FBXO47: variants seen among roughly 807,000 people sequenced by gnomAD.
The protein encoded by FBXO47 is F-box only protein 47.
In FBXO47, 34 loss-of-function variants were observed where a neutral mutation model predicts 53.9. The observed-to-expected ratio is 0.63, with a 90% CI of 0.48 to 0.84. FBXO47 has a LOEUF of 0.84. Ranked by LOEUF, FBXO47 falls within the 40% of genes least tolerant of loss-of-function variation. FBXO47 has a pLI of 0.00. For missense variants in FBXO47, 485 were observed against 541.3 expected (o/e 0.90, Z 1.03); for synonymous variants, 165 against 181.6 (o/e 0.91, Z 0.73).
chr17:38,962,934 A>C lies in FBXO47; in HGVS notation c.92T>G (p.Leu31Arg). ...NRQTSCYSKT[L>R]GSGFQPISTF... ...TGATATGGGTTGAAAGCCTGAGCCAAGGGTCTTGGAATAACAGCTGGTTTG... is the reference window on the plus strand; with the variant it reads ...TGATATGGGTTGAAAGCCTGAGCCACGGGTCTTGGAATAACAGCTGGTTTG... Residue 31 changes from leucine (L) to arginine (R), a missense_variant, in exon 2 of 11, where the codon CTT (leucine) becomes CGT (arginine). Transcript: ENST00000378079. 1 of 1,613,664 alleles carries C rather than the reference A, an allele frequency of 6.2e-7. No homozygotes were observed. The highest frequency in any genetic ancestry group is 1.1e-5 in the South Asian group (1 of 91,074).
Position 38,942,899 on chromosome 17 carries a change from A to C in FBXO47, c.962T>G (p.Leu321Arg). 1.2e-6 allele frequency: 2 copies of C among 1,608,282 alleles called. No individual in the cohort carries two copies. The highest frequency in any genetic ancestry group is 1.7e-6 in the Non-Finnish European group (2 of 1,178,458). ...CATTAGGAGACGTGCATTATTCTCT[A>C]GAAGCCACTCACGGGGAACCACTTT... Reference protein sequence around the residue: ...ELSVVPREWLLENNARLLMLS... With the variant: ...ELSVVPREWLRENNARLLMLS... Residue 321 changes from leucine (L) to arginine (R), a missense_variant, in exon 9 of 11, where the codon CTA becomes CGA. By Grantham distance (102) the Leu-to-Arg change is moderately radical (BLOSUM62 -2). Transcript: ENST00000378079.
At chr17:38,947,953 T>C (rs979011444) in intron 6 of FBXO47, among the ~76,000 whole-genome samples, 2 of 151,996 alleles carry the variant, frequency 1.3e-5, no homozygotes, top group Non-Finnish European at 2.9e-5. Context: ...ATAGGACTAC[T>C]TTTTCAAAAG....
chr17:38,939,956 C>T (rs550464724), intron 9 of FBXO47, among the ~76,000 whole-genome samples: 47 of 151,974 alleles, frequency 3.1e-4, no homozygotes, highest in Non-Finnish European at 5.4e-4. Flanking sequence ...CGTGAGCCAC[C>T]GCGCCCGGCC....
intron 6 of FBXO47, among the ~76,000 whole-genome samples, chr17:38,949,899 T>C (rs1033378027): frequency 4.6e-5 from 7 of 152,142 alleles, no homozygotes; most frequent in Admixed American, 3.3e-4. Context: ...GCCCAGTCTA[T>C]CACTGTTTTC....
chr17:38,947,023 CAT>C (rs1407396064), intron 6 of FBXO47, among the ~76,000 whole-genome samples: 62 of 128,932 alleles, frequency 4.8e-4, no homozygotes, highest in African/African-American at 1.4e-3. Context: ...TATATATAAA[CAT>C]ATACAAATAT....
At chr17:38,954,815 C>A in intron 5 of FBXO47, 41 bp downstream of exon 5, 1 of 1,193,352 alleles carries the variant, frequency 8.4e-7, no homozygotes, top group South Asian at 1.3e-5. Context: ...GTTATCAGTT[C>A]CAAAGGTATC....
chr17:38,950,384 GTTTTGTTTT>G (rs1023569962), intron 6 of FBXO47, among the ~76,000 whole-genome samples: 7 of 148,082 alleles, frequency 4.7e-5, no homozygotes, highest in Non-Finnish European at 9.0e-5. Context: ...TTTTTTGTTT[GTTTTGTTTT>G]TTTTTCTAAG....
intron 2 of FBXO47, 62 bp from the exon 3 acceptor site, chr17:38,962,109 AC>A: frequency 3.1e-6 from 4 of 1,304,500 alleles, no homozygotes; most frequent in Non-Finnish European, 4.3e-6. Flanking sequence ...GTCACTATTA[AC>A]ACAGTCTATT....
At chr17:38,965,780 G>A (rs1906081264) in intron 1 of FBXO47, among the ~76,000 whole-genome samples, 1 of 149,192 alleles carries the variant, frequency 6.7e-6, no homozygotes, top group African/African-American at 2.5e-5. Context: ...CTACTCTGGA[G>A]GCTGAGGCAG....
At chr17:38,966,091 A>T (rs1406737489) in intron 1 of FBXO47, among the ~76,000 whole-genome samples, 1 of 152,148 alleles carries the variant, frequency 6.6e-6, no homozygotes, top group African/African-American at 2.4e-5. Context: ...CATGCTAATA[A>T]CCTTCTACAA....
intron 7 of FBXO47, among the ~76,000 whole-genome samples, chr17:38,944,096 C>T (rs556710364): frequency 3.3e-5 from 5 of 151,342 alleles, no homozygotes; most frequent in East Asian, 3.9e-4. Flanking sequence ...GCACGAGAAT[C>T]GCTTGAACCT....
At chr17:38,942,655 T>C (rs373914242) in intron 9 of FBXO47, 123 bp downstream of exon 9, 32 of 606,332 alleles carry the variant, frequency 5.3e-5, no homozygotes, top group East Asian at 2.7e-4. Flanking sequence ...ACATTAAAAA[T>C]ATATACTTCA....
At chr17:38,951,160 GGA>G (rs1336737652) in intron 6 of FBXO47, among the ~76,000 whole-genome samples, 2 of 152,098 alleles carry the variant, frequency 1.3e-5, no homozygotes, top group Admixed American at 1.3e-4. Context: ...CAAAGTGTTG[GGA>G]TTGCAGCTGT....
At chr17:38,945,458 A>G (rs1904711132) in intron 6 of FBXO47, among the ~76,000 whole-genome samples, 1 of 152,156 alleles carries the variant, frequency 6.6e-6, no homozygotes, top group Non-Finnish European at 1.5e-5. Flanking sequence ...TCAAAGACAT[A>G]TATCATTAAT....
At chr17:38,961,829 A>T in intron 3 of FBXO47, 48 bp downstream of exon 3, 1 of 1,514,492 alleles carries the variant, frequency 6.6e-7, no homozygotes, top group Non-Finnish European at 9.0e-7. Context: ...AGTTTCTCTT[A>T]ATTAAGCACA....
rs778287064 is a variant in FBXO47, at chr17:38,962,889, G to A, written c.137C>T (p.Ala46Val). The A allele has an allele frequency of 1.2e-6, 2 of 1,613,004 alleles. No homozygotes were observed. Among genetic ancestry groups the A allele is most frequent in the Admixed American group, 1.7e-5 (1 of 59,902 alleles). ...QPISTFGNFK[A>V]LPLEIFQIIL... Reference sequence around the variant, plus strand: ...TATCTGGAATATTTCCAATGGTAAGGCTTTAAAATTTCCAAATGTTGATAT... The same window carrying A: ...TATCTGGAATATTTCCAATGGTAAGACTTTAAAATTTCCAAATGTTGATAT... The change falls in exon 2 of 11, where the codon GCC (alanine) becomes GTC (valine). Residue 46 changes from alanine to valine, a missense_variant. Coordinates refer to ENST00000378079, the MANE Select transcript of FBXO47 (RefSeq NM_001008777.3).
chr17:38,945,550 G>C (rs1054213861), intron 6 of FBXO47, among the ~76,000 whole-genome samples: 1 of 152,028 alleles, frequency 6.6e-6, no homozygotes, highest in African/African-American at 2.4e-5. Flanking sequence ...TGTAATGCCA[G>C]CACGTTGTGA....
intron 6 of FBXO47, among the ~76,000 whole-genome samples, chr17:38,948,867 C>G (rs936052062): frequency 6.6e-6 from 1 of 152,042 alleles, no homozygotes. Flanking sequence ...AACCCACCAT[C>G]TACATTAGGT....
At chr17:38,959,713 T>C (rs1250839857) in intron 3 of FBXO47, among the ~76,000 whole-genome samples, 1 of 150,194 alleles carries the variant, frequency 6.7e-6, no homozygotes, top group East Asian at 2.0e-4. Flanking sequence ...ATTTTCACAA[T>C]TGACTCACTT....
Sources: gnomAD v4.1 joint callset for allele counts (sites outside exome capture counted in the v4.1 genomes callset) on GRCh38, gnomAD v4.1.1 for gene constraint, MANE v1.5 for transcripts, NCBI Gene and HGNC (gene_info 2026-07-23, HGNC 2026-07-21) for gene names.